The following ADAMTS6 variants were observed in gnomAD, a reference collection of about 807,000 sequenced individuals.
ADAMTS6 encodes the protein A disintegrin and metalloproteinase with thrombospondin motifs 6.
In ADAMTS6, 23 loss-of-function variants were observed where a neutral mutation model predicts 144.3. The ratio of observed to expected loss-of-function variants is 0.16; its 90% confidence interval spans 0.11 to 0.23. The LOEUF (loss-of-function observed/expected upper bound fraction) is 0.23. Ranked by LOEUF, ADAMTS6 falls within the 10% of genes least tolerant of loss-of-function variation. ADAMTS6 has a pLI of 1.00. For synonymous variants in ADAMTS6, 444 were observed against 457.5 expected (o/e 0.97, Z 0.38); for missense variants, 999 against 1,379.6 (o/e 0.72, Z 4.37).
chr5:65,338,652 C>A (rs1408007605), intron 7 of ADAMTS6, among the ~76,000 whole-genome samples: 1 of 152,092 alleles, frequency 6.6e-6, no homozygotes, highest in Non-Finnish European at 1.5e-5. Context: ...TCCCAGCCAG[C>A]CAAGCAGCTG....
At chr5:65,161,741 T>A (rs1752793970) in intron 24 of ADAMTS6, among the ~76,000 whole-genome samples, 2 of 152,208 alleles carry the variant, frequency 1.3e-5, no homozygotes, top group African/African-American at 2.4e-5. Flanking sequence ...GAACAAATAG[T>A]TTCAGATATT....
At chr5:65,283,454 TA>T (rs572231482) in intron 11 of ADAMTS6, among the ~76,000 whole-genome samples, 2 of 151,154 alleles carry the variant, frequency 1.3e-5, no homozygotes, top group African/African-American at 4.9e-5. Context: ...ACTAAATGGT[TA>T]AAAAAAAGAA....
intron 4 of ADAMTS6, among the ~76,000 whole-genome samples, chr5:65,459,441 C>A (rs1450883475): frequency 1.3e-5 from 2 of 152,114 alleles, no homozygotes. Context: ...AACCACTTCC[C>A]CCAACCACTA....
At chr5:65,216,959 A>G (rs1756973589) in intron 18 of ADAMTS6, among the ~76,000 whole-genome samples, 1 of 152,190 alleles carries the variant, frequency 6.6e-6, no homozygotes, top group African/African-American at 2.4e-5. Context: ...CAGACCTGAT[A>G]AACAAGTAGC....
At chr5:65,250,039 G>A (rs1760013078) in intron 14 of ADAMTS6, among the ~76,000 whole-genome samples, 3 of 152,134 alleles carry the variant, frequency 2.0e-5, no homozygotes, top group Admixed American at 2.0e-4. Context: ...GAAATTCCAT[G>A]CTTTACTGGA....
chr5:65,429,710 G>A (rs1756845475), intron 7 of ADAMTS6, among the ~76,000 whole-genome samples: 1 of 151,884 alleles, frequency 6.6e-6, no homozygotes, highest in Non-Finnish European at 1.5e-5. Context: ...CTAAATAACA[G>A]TACAGCATTA....
intron 7 of ADAMTS6, among the ~76,000 whole-genome samples, chr5:65,441,124 C>T (rs554571752): frequency 5.9e-5 from 9 of 151,856 alleles, no homozygotes; most frequent in Non-Finnish European, 1.3e-4. Context: ...TTTTCTAAAG[C>T]CTAGAGATCT....
intron 7 of ADAMTS6, among the ~76,000 whole-genome samples, chr5:65,448,129 G>T (rs1053736678): frequency 6.6e-6 from 1 of 150,506 alleles, no homozygotes; most frequent in African/African-American, 2.4e-5. Context: ...AAATACACAT[G>T]TATAATATAT....
At chr5:65,272,876 G>A (rs550605611) in intron 12 of ADAMTS6, among the ~76,000 whole-genome samples, 4 of 150,702 alleles carry the variant, frequency 2.7e-5, no homozygotes, top group South Asian at 2.1e-4. Flanking sequence ...AGCCAAGATC[G>A]TACCCCTGCA....
intron 7 of ADAMTS6, among the ~76,000 whole-genome samples, chr5:65,342,058 T>C (rs180921526): frequency 1.8e-4 from 27 of 152,290 alleles, no homozygotes; most frequent in African/African-American, 5.5e-4. Context: ...ATAAATGTCA[T>C]ATATCACATG....
chr5:65,226,151 CAGG>C lies in ADAMTS6; in HGVS notation c.1999_2001del (p.Pro667del). 6.2e-7 allele frequency: 1 copy of C among 1,613,990 alleles called. No homozygotes were observed. On this transcript the variant is annotated inframe_deletion, in exon 16 of 25. Transcript: ENST00000381055. ...TTGCACTGGGTCCCATCGATCACCG[CAGG>C]AGCACGTTCAGTGTAGAAATTATAA...
At chr5:65,262,695 G>A in intron 13 of ADAMTS6, 122 bp downstream of exon 13, 1 of 1,206,628 alleles carries the variant, frequency 8.3e-7, no homozygotes, top group Non-Finnish European at 1.1e-6. Flanking sequence ...CCTATGGCTT[G>A]TTCTGAAGAC....
At chr5:65,408,771 A>T (rs958362844) in intron 7 of ADAMTS6, among the ~76,000 whole-genome samples, 2 of 152,108 alleles carry the variant, frequency 1.3e-5, no homozygotes, top group South Asian at 2.1e-4. Flanking sequence ...TCAGCAAATG[A>T]AAAAGAACAG....
intron 22 of ADAMTS6, among the ~76,000 whole-genome samples, chr5:65,185,088 G>GA (rs980960110): frequency 1.3e-5 from 2 of 152,188 alleles, no homozygotes; most frequent in African/African-American, 4.8e-5. Context: ...GAAAGAGACT[G>GA]AATACCGCCT....
chr5:65,375,802 A>T (rs956160420), intron 7 of ADAMTS6, among the ~76,000 whole-genome samples: 1 of 152,218 alleles, frequency 6.6e-6, no homozygotes, highest in Admixed American at 6.5e-5. Context: ...CTATAAAGGC[A>T]CATGCACACG....
chr5:65,270,656 T>C (rs780743838), intron 12 of ADAMTS6, among the ~76,000 whole-genome samples: 4 of 152,262 alleles, frequency 2.6e-5, no homozygotes, highest in Non-Finnish European at 4.4e-5. Context: ...CCTAAAACTT[T>C]ATCTATCTTC....
chr5:65,210,562 G>T lies in ADAMTS6; in HGVS notation c.2575+4232C>A, dbSNP rs556231549. On this transcript the variant is annotated intron_variant, in intron 20 of 24. Transcript: ENST00000381055. The stretch of plus-strand genomic sequence containing the variant: ...AGGTGTCTTTATCTGCTATCTGGAT[G>T]CAGGCCTTGCCAGAACTACCACTGG... 2.2e-5 allele frequency: 12 copies of T among 545,048 alleles called. 1 individual carries two copies. Among genetic ancestry groups the T allele is most frequent in the African/African-American group, 2.1e-4 (11 of 52,258 alleles). The allele number at this position is 545,048 out of a possible 1,614,324, so 33.8% of individuals were successfully genotyped here. A position where few individuals can be genotyped will look rare whatever the true frequency, so the allele number is the denominator to read the frequency against.
intron 7 of ADAMTS6, among the ~76,000 whole-genome samples, chr5:65,401,253 C>T (rs1753890461): frequency 6.6e-6 from 1 of 152,148 alleles, no homozygotes. Flanking sequence ...CCTCTGAACT[C>T]TTGAACAAAT....
chr5:65,372,858 T>G (rs1178823510), intron 7 of ADAMTS6, among the ~76,000 whole-genome samples: 8 of 152,240 alleles, frequency 5.3e-5, no homozygotes, highest in Middle Eastern at 3.4e-3. Context: ...TAGTTGGAAG[T>G]AAAGCTCTCC....
Sources: gnomAD v4.1 joint callset for allele counts (sites outside exome capture counted in the v4.1 genomes callset) on GRCh38, gnomAD v4.1.1 for gene constraint, MANE v1.5 for transcripts, NCBI Gene and HGNC (gene_info 2026-07-23, HGNC 2026-07-21) for gene names.